Variants in CRHR1 observed in about 807,000 individuals in gnomAD.
CRHR1 encodes the protein corticotropin releasing hormone receptor 1.
In CRHR1, 28 loss-of-function variants were observed where a neutral mutation model predicts 56.0. That is an observed-to-expected ratio of 0.50 (90% CI 0.37 to 0.69). CRHR1 has a LOEUF of 0.69. Ranked by LOEUF, CRHR1 falls within the 30% of genes least tolerant of loss-of-function variation. CRHR1 has a pLI of 0.00. For synonymous variants in CRHR1, 195 were observed against 216.5 expected (o/e 0.90, Z 0.87); for missense variants, 376 against 548.0 (o/e 0.69, Z 3.13).
In CRHR1 at chr17:45,830,647, G is replaced by A. The variant is rs562668116; in HGVS notation, c.709+77G>A. Reference sequence around the variant, plus strand: ...CCCTCTCCTCCAGACTCAGGCCAGCGGGCTGGGGGGCCTGAGGGATGGAGG... The same window carrying A: ...CCCTCTCCTCCAGACTCAGGCCAGCAGGCTGGGGGGCCTGAGGGATGGAGG... On this transcript the variant is annotated intron_variant, in intron 7 of 12. Coordinates refer to ENST00000314537, the MANE Select transcript of CRHR1 (RefSeq NM_004382.5). 229 of 1,513,674 alleles carry A rather than the reference G, an allele frequency of 1.5e-4. No homozygotes were observed. The East Asian group carries it at 3.6e-3, about 24-fold the overall frequency. The allele number at this position is 1,513,674 out of a possible 1,614,324, so 93.8% of individuals were successfully genotyped here.
Position 45,784,925 on chromosome 17 carries a change from A to T in CRHR1, c.33+348A>T, listed in dbSNP as rs1272544002. ...TCCACCTCCCACGCCCTTCCTGCAG[A>T]CCTCGGCCCCGGGACTGGAGACTCT... On this transcript the variant is annotated intron_variant, in intron 1 of 12. Coordinates refer to ENST00000314537, the MANE Select transcript of CRHR1 (RefSeq NM_004382.5). This position sits in a 1 kb window ranked among gnomAD's most constrained non-coding sequence, Gnocchi z 4.2. Among the ~76,000 whole-genome samples the T allele has an allele frequency of 6.6e-6, 1 of 151,584 alleles. No homozygotes were observed. Among genetic ancestry groups the T allele is most frequent in the African/African-American group, 2.4e-5 (1 of 41,202 alleles).
Position 45,833,507 on chromosome 17 carries a change from C to A in CRHR1, c.899C>A (p.Ala300Glu). The A allele has an allele frequency of 6.2e-7, 1 of 1,614,054 alleles. No individual in the cohort carries two copies. The highest frequency in any genetic ancestry group is 1.3e-5 in the African/African-American group (1 of 75,036). The stretch of plus-strand genomic sequence containing the variant: ...CGCATCCTCATGACCAAGCTCCGGG[C>A]ATCCACCACGTCTGAGACCATTCAG... ...IVRILMTKLR[A>E]STTSETIQYR... is the part of the protein sequence containing the mutation. Residue 300 changes from alanine (A) to glutamate (E), a missense_variant, in exon 10 of 13, where the codon GCA becomes GAA. Physicochemically the swap from Ala to Glu is moderately radical, Grantham distance 107. This residue lies in a region of CRHR1 where 369 missense variants were observed against 519.5 expected (regional missense o/e 0.71). Transcript: ENST00000314537.
chr17:45,801,792 C>T (rs1161189399), intron 1 of CRHR1, among the ~76,000 whole-genome samples: 1 of 152,146 alleles, frequency 6.6e-6, no homozygotes, highest in East Asian at 1.9e-4. Flanking sequence ...AGGCCAAAAG[C>T]ACTTTGGTTT....
At chr17:45,822,116 A>G (rs1167438367) in intron 4 of CRHR1, among the ~76,000 whole-genome samples, 2 of 152,146 alleles carry the variant, frequency 1.3e-5, no homozygotes, top group Admixed American at 1.3e-4. Context: ...TGAATGTTGC[A>G]TGTTATACAC....
chr17:45,812,389 C>G (rs886748775), intron 2 of CRHR1, among the ~76,000 whole-genome samples: 2 of 152,228 alleles, frequency 1.3e-5, no homozygotes, highest in Non-Finnish European at 2.9e-5. Context: ...CTTTGTGCAG[C>G]TGGTTGGTAA....
At chr17:45,797,544 C>T (rs2146280664) in intron 1 of CRHR1, among the ~76,000 whole-genome samples, 1 of 152,178 alleles carries the variant, frequency 6.6e-6, no homozygotes, top group South Asian at 2.1e-4. Context: ...TCCCAAAGTG[C>T]TGGGATTACA....
rs1479573226 is a variant in CRHR1 at position 45,784,985 on chromosome 17, A to G, written c.33+408A>G. Among the ~76,000 whole-genome samples, 5 of 151,896 alleles carry G rather than the reference A, an allele frequency of 3.3e-5. No individual in the cohort carries two copies. In the South Asian group the frequency reaches 1.0e-3, roughly 32 times the overall value. The stretch of plus-strand genomic sequence containing the variant: ...TTCCCACCTCGCCCCAGCGCCCCCA[A>G]ACAGCTCCCCGACTCCGCACGCCCC... On this transcript the variant is annotated intron_variant, in intron 1 of 12. Coordinates refer to ENST00000314537, the MANE Select transcript of CRHR1 (RefSeq NM_004382.5). The surrounding 1 kb of genome is among the most constrained non-coding windows in gnomAD (Gnocchi z 4.2).
intron 1 of CRHR1, among the ~76,000 whole-genome samples, chr17:45,797,283 CTTTT>C (rs899983592): frequency 0.066 from 6,192 of 94,178 alleles, 60 homozygotes; most frequent in South Asian, 0.085. Context: ...TTCTTTCTTT[CTTTT>C]TTTTTTTTTT....
chr17:45,796,918 G>A (rs1188223209), intron 1 of CRHR1, among the ~76,000 whole-genome samples: 1 of 152,214 alleles, frequency 6.6e-6, no homozygotes, highest in African/African-American at 2.4e-5. Flanking sequence ...ATATCCATGA[G>A]TCAATTTGAG....
intron 2 of CRHR1, 21 bp downstream of exon 2, chr17:45,807,118 C>G: frequency 1.2e-6 from 2 of 1,609,114 alleles, no homozygotes; most frequent in East Asian, 4.5e-5. Context: ...TCAACCCCCT[C>G]CTGCAAGATT....
chr17:45,785,818 C>T (rs1568023845), intron 1 of CRHR1, among the ~76,000 whole-genome samples: 1 of 152,128 alleles, frequency 6.6e-6, no homozygotes, highest in Non-Finnish European at 1.5e-5. Context: ...TAATCCTGCC[C>T]CTCCCCAAAT....
At chr17:45,811,651 C>T (rs904038217) in intron 2 of CRHR1, among the ~76,000 whole-genome samples, 3 of 152,246 alleles carry the variant, frequency 2.0e-5, no homozygotes. Flanking sequence ...TCAGACACAC[C>T]AAGCACACAC....
intron 2 of CRHR1, among the ~76,000 whole-genome samples, chr17:45,812,193 T>C (rs1206991032): frequency 6.6e-6 from 1 of 152,198 alleles, no homozygotes; most frequent in Non-Finnish European, 1.5e-5. Flanking sequence ...TACTGTACTG[T>C]TTAGGGAATA....
At chr17:45,833,060 G>T in intron 8 of CRHR1, 78 bp from the exon 9 acceptor site, 1 of 1,313,738 alleles carries the variant, frequency 7.6e-7, no homozygotes, top group South Asian at 1.2e-5. Flanking sequence ...GTCCTGTCCT[G>T]GCCAAGCACT....
chr17:45,834,171 T>C (rs948909514), intron 12 of CRHR1, 123 bp downstream of exon 12: 31 of 1,229,270 alleles, frequency 2.5e-5, no homozygotes, highest in Non-Finnish European at 3.5e-5. Flanking sequence ...CCTAGGTCCC[T>C]AGGGGTATGC....
In CRHR1 at chr17:45,830,534, C is replaced by T. The variant is rs575488369; in HGVS notation, c.673C>T (p.Arg225Trp). 5.6e-6 allele frequency: 9 copies of T among 1,613,052 alleles called. No homozygotes were observed. In the East Asian group the frequency reaches 1.3e-4, roughly 24 times the overall value. The change falls in exon 7 of 13, where the codon CGG becomes TGG. Residue 225 changes from arginine (R) to tryptophan (W), a missense_variant. By Grantham distance (101) the Arg-to-Trp change is moderately radical (BLOSUM62 -3). Around this residue, in one of 2 missense-constraint regions of CRHR1, gnomAD observed 369 missense variants for 519.5 expected, o/e 0.71. Transcript: ENST00000314537. ...TAIVLTYSTD[R>W]LRKWMFICIG... ...CATCGTGCTCACCTACTCCACTGAC[C>T]GGCTGCGCAAATGGATGTTCATCTG... is the stretch of plus-strand genomic sequence containing the variant.
At chr17:45,803,779 T>TGCGCGC (rs1555650818) in intron 1 of CRHR1, among the ~76,000 whole-genome samples, 1 of 151,844 alleles carries the variant, frequency 6.6e-6, no homozygotes, top group Non-Finnish European at 1.5e-5. Flanking sequence ...TGTGTGTGCG[T>TGCGCGC]GCGCGTGCGC....
intron 4 of CRHR1, among the ~76,000 whole-genome samples, chr17:45,822,684 C>T (rs1201723008): frequency 1.3e-5 from 2 of 152,162 alleles, no homozygotes; most frequent in Non-Finnish European, 2.9e-5. Context: ...AACCCCATCT[C>T]TACTAAAAAT....
chr17:45,825,486 G>A (rs2062141484), intron 4 of CRHR1: 1 of 154,544 alleles, frequency 6.5e-6, no homozygotes, highest in Non-Finnish European at 1.5e-5. Context: ...CTGCGCACAG[G>A]AGCCTGGGCC....
Sources: allele counts gnomAD v4.1 joint callset (sites outside exome capture counted in the v4.1 genomes callset), GRCh38; gene constraint gnomAD v4.1.1; regional missense constraint gnomAD v4.1.1; non-coding constraint Gnocchi (gnomAD v3.1); transcripts MANE v1.5; gene names NCBI Gene and HGNC (gene_info 2026-07-23, HGNC 2026-07-21).